Variants in PNN observed in about 807,000 individuals in gnomAD.
PNN encodes the protein pinin.
Under a neutral mutation model 76.6 loss-of-function variants are expected in PNN, and 38 were observed. The ratio of observed to expected loss-of-function variants is 0.50; its 90% CI spans 0.38 to 0.65. PNN has a LOEUF of 0.65. Ranked by LOEUF, PNN falls within the 30% of genes least tolerant of loss-of-function variation. PNN has a pLI of 0.00. For missense variants in PNN, 873 were observed against 874.1 expected (o/e 1.00, Z 0.02); for synonymous variants, 366 against 283.7 (o/e 1.29, Z -2.91).
At position 39,179,438 on chromosome 14, in the gene PNN, G is replaced by T; in HGVS notation, c.769G>T (p.Glu257Ter). The part of the protein sequence containing the change: ...RMCPATQKLI[E>*]ESQRKMNALF... The stretch of plus-strand genomic sequence containing the variant: ...GTGTCCAGCTACCCAAAAACTAATA[G>T]AAGAGTCACAGAGAAAAATGAACGG... The change falls in exon 8 of 9, where the codon GAA (glutamate) becomes TAA (stop). Residue 257 changes from glutamate to a stop codon, truncating the protein, a stop_gained. Coordinates refer to ENST00000216832, the MANE Select transcript of PNN (RefSeq NM_002687.4). LOFTEE classifies it high-confidence loss of function. The T allele has an allele frequency of 6.2e-7, 1 of 1,612,584 alleles. No individual in the cohort carries two copies. Among genetic ancestry groups the T allele is most frequent in the Non-Finnish European group, 8.5e-7 (1 of 1,179,360 alleles).
chr14:39,175,764 A>C lies in PNN; in HGVS notation c.114-314A>C, dbSNP rs2053218333. On this transcript the variant is annotated intron_variant, in intron 1 of 8. Coordinates refer to ENST00000216832, the MANE Select transcript of PNN (RefSeq NM_002687.4). ...TGGCCCCGAGACCCTGCCGGGACGC[A>C]ACAAGCCGCCTTACCCCAGCTTCCT... The C allele has an allele frequency of 2.1e-5, 10 of 469,966 alleles. 1 individual carries two copies. Among genetic ancestry groups the C allele is most frequent in the South Asian group, 9.5e-5 (4 of 41,894 alleles). The allele number at this position is 469,966 out of a possible 1,614,324, so 29.1% of individuals were successfully genotyped here. A position where few individuals can be genotyped will look rare whatever the true frequency, so the allele number is the denominator to read the frequency against.
intron 3 of PNN, among the ~76,000 whole-genome samples, chr14:39,177,145 G>GA (rs1327879156): frequency 6.6e-6 from 1 of 152,210 alleles, no homozygotes; most frequent in African/African-American, 2.4e-5. Flanking sequence ...AGCACTTTGG[G>GA]AAGCCAAGAC....
chr14:39,177,361 G>C (rs1001750042), intron 3 of PNN, 51 bp from the exon 4 acceptor site: 4 of 1,473,694 alleles, frequency 2.7e-6, no homozygotes, highest in Non-Finnish European at 2.8e-6. Context: ...ACTTCAGCCT[G>C]GGTGGTATAG....
chr14:39,175,860 C>G, intron 1 of PNN: 1 of 538,228 alleles, frequency 1.9e-6, no homozygotes, highest in Non-Finnish European at 3.3e-6. Flanking sequence ...GTGGGGGCAT[C>G]GAGGTGAATA....
Position 39,176,079 on chromosome 14 carries a change from C to A in PNN, c.115C>A (p.Pro39Thr). 1 of 1,589,210 alleles carries A rather than the reference C, an allele frequency of 6.3e-7. No homozygotes were observed. Reference sequence around the variant, plus strand: ...CACTGATTTGTAAATCTTTTACAGGCCCATCCAAGCCAGATTGCTGGCCCT... The same window carrying A: ...CACTGATTTGTAAATCTTTTACAGGACCATCCAAGCCAGATTGCTGGCCCT... The part of the protein sequence containing the change: ...LTGRDPNDVR[P>T]IQARLLALSG... Residue 39 changes from proline (P) to threonine (T), a missense_variant and splice_region_variant, in exon 2 of 9, where the codon CCC (proline) becomes ACC (threonine). This residue lies in a region of PNN where 156 missense variants were observed against 161.7 expected (regional missense o/e 0.96). Transcript: ENST00000216832.
chr14:39,176,680 T>C, intron 3 of PNN, 85 bp downstream of exon 3: 3 of 847,980 alleles, frequency 3.5e-6, no homozygotes, highest in Non-Finnish European at 5.6e-6. Context: ...ATAATTCTGT[T>C]TCAGCAATAT....
chr14:39,178,950 T>C lies in PNN; in HGVS notation c.499-141T>C, dbSNP rs181311217. On this transcript the variant is annotated intron_variant, in intron 6 of 8. Transcript: ENST00000216832. ...GAGATGGTGGTGTTGGCTTCTGACTTCAGATGATCTACCTGCCTCTAATGT... is the reference window on the plus strand; with the variant it reads ...GAGATGGTGGTGTTGGCTTCTGACTCCAGATGATCTACCTGCCTCTAATGT... 1.9e-5 allele frequency: 14 copies of C among 743,514 alleles called. No individual in the cohort carries two copies. In the Admixed American group the frequency reaches 4.2e-4, roughly 22 times the overall value. 46.1% of individuals were successfully genotyped at this position (743,514 alleles called of 1,614,324 possible).
intron 6 of PNN, among the ~76,000 whole-genome samples, chr14:39,178,435 G>A (rs1369279243): frequency 1.3e-5 from 2 of 152,112 alleles, no homozygotes; most frequent in Admixed American, 1.3e-4. Flanking sequence ...GGGAGGCGGA[G>A]GCAAGAGAAT....
Position 39,179,139 on chromosome 14 carries a change from GAA to G in PNN, c.548_549del (p.Glu183GlyfsTer6). ...IEQKLEVQAE[E>X]ERKQVENERR... ...ACAAAAACTTGAAGTTCAGGCAGAA[GAA>G]GAGAGAAAGCAGGTTGAAAATGAAA... On this transcript the variant is annotated frameshift_variant, in exon 7 of 9. Coordinates refer to ENST00000216832, the MANE Select transcript of PNN (RefSeq NM_002687.4). LOFTEE classifies it high-confidence loss of function. 1 of 1,614,060 alleles carries G rather than the reference GAA, an allele frequency of 6.2e-7. No homozygotes were observed. The highest frequency in any genetic ancestry group is 8.5e-7 in the Non-Finnish European group (1 of 1,180,016).
chr14:39,182,730 G>A lies in PNN; in HGVS notation c.*867G>A, dbSNP rs1054710229. 6.6e-5 allele frequency: 10 copies of A among 152,598 alleles called. No individual in the cohort carries two copies. The highest frequency in any genetic ancestry group is 2.4e-4 in the African/African-American group (10 of 41,438). The allele number at this position is 152,598 out of a possible 1,614,324, so 9.5% of individuals were successfully genotyped here. A position where few individuals can be genotyped will look rare whatever the true frequency, so the allele number is the denominator to read the frequency against. On this transcript the variant is annotated 3_prime_UTR_variant, in exon 9 of 9. Transcript: ENST00000216832. ...TTTGTGTTGGCTCTAACTTAAACAT[G>A]CTGATATGTGTTTTCAAGAATTTTG...
chr14:39,181,074 A>G lies in PNN; in HGVS notation c.1365A>G (p.Glu455=). The G allele has an allele frequency of 6.2e-7, 1 of 1,613,978 alleles. No individual in the cohort carries two copies. The highest frequency in any genetic ancestry group is 1.7e-5 in the Admixed American group (1 of 59,990). ...AGAATGTCAGTGCTTTAGACATGGA[A>G]AAGGAGTCTGAGGAAAAAGAAGAAA... ...GKENVSALDM[E]KESEEKEEKE... Residue 455 remains glutamate, a synonymous_variant, in exon 9 of 9, where the codon GAA becomes GAG. Coordinates refer to ENST00000216832, the MANE Select transcript of PNN (RefSeq NM_002687.4).
chr14:39,175,665 C>G (rs1340190497), intron 1 of PNN: 5 of 497,368 alleles, frequency 1.0e-5, no homozygotes, highest in Non-Finnish European at 1.8e-5. Context: ...CTGCTGATTC[C>G]CGCTCTCGGC....
chr14:39,175,851 T>TG, intron 1 of PNN: 2 of 533,602 alleles, frequency 3.7e-6, no homozygotes, highest in Non-Finnish European at 6.6e-6. Flanking sequence ...TGTTAATGTG[T>TG]GGGGGCATCG....
Position 39,181,388 on chromosome 14 carries a change from G to A in PNN, c.1679G>A (p.Ser560Asn). 6.2e-7 allele frequency: 1 copy of A among 1,614,222 alleles called. No homozygotes were observed. Among genetic ancestry groups the A allele is most frequent in the Non-Finnish European group, 8.5e-7 (1 of 1,180,032 alleles). ...PESKSKTKTRSRSRGRARNKT... is the reference protein window; with the variant it reads ...PESKSKTKTRNRSRGRARNKT... Reference sequence around the variant, plus strand: ...AGCAAGAGCAAAACCAAAACTAGGAGCAGAAGTAGAGGTCGAGCTAGAAAT... The same window carrying A: ...AGCAAGAGCAAAACCAAAACTAGGAACAGAAGTAGAGGTCGAGCTAGAAAT... The change falls in exon 9 of 9, where the codon AGC becomes AAC. Residue 560 changes from serine to asparagine, a missense_variant. Physicochemically the swap from Ser to Asn is conservative, Grantham distance 46. Transcript: ENST00000216832.
At chr14:39,179,901 C>CAA (rs548024138) in intron 8 of PNN, among the ~76,000 whole-genome samples, 3 of 113,068 alleles carry the variant, frequency 2.7e-5, no homozygotes, top group African/African-American at 6.4e-5. Flanking sequence ...GACTCCATCT[C>CAA]AAAAAAAAAA....
At chr14:39,178,271 G>A (rs1313602010) in intron 6 of PNN, among the ~76,000 whole-genome samples, 1 of 152,214 alleles carries the variant, frequency 6.6e-6, no homozygotes, top group African/African-American at 2.4e-5. Context: ...GCTCATGCCT[G>A]TAATCCCAGC....
In PNN at chr14:39,176,004, C is replaced by A. The variant is rs569105828; in HGVS notation, c.114-74C>A. ...TGTGATTTTTTCTCCTTATGATCCA[C>A]ATCTCTGAAAGTATTTGGGTGCGAC... On this transcript the variant is annotated intron_variant, in intron 1 of 8. Transcript: ENST00000216832. The A allele has an allele frequency of 6.4e-6, 5 of 778,624 alleles. No individual in the cohort carries two copies. The East Asian group carries it at 1.2e-4, about 19-fold the overall frequency. The allele number at this position is 778,624 out of a possible 1,614,324, so 48.2% of individuals were successfully genotyped here.
chr14:39,175,690 A>G (rs1594553220), intron 1 of PNN: 1 of 476,662 alleles, frequency 2.1e-6, no homozygotes, highest in Non-Finnish European at 3.7e-6. Flanking sequence ...CAGGCCCGGA[A>G]CTGCAGCACA....
In PNN at chr14:39,179,452, A is replaced by T; in HGVS notation, c.783A>T (p.Arg261Ser). Residue 261 changes from arginine (R) to serine (S), a missense_variant, in exon 8 of 9, where the codon AGA becomes AGT. By Grantham distance (110) the Arg-to-Ser change is moderately radical. This residue lies in a region of PNN where 712 missense variants were observed against 693.1 expected (regional missense o/e 1.03). Transcript: ENST00000216832. ...AAAAACTAATAGAAGAGTCACAGAG[A>T]AAAATGAACGGTAAGTATGCGAAGA... Reference protein sequence around the residue: ...ATQKLIEESQRKMNALFEGRR... With the variant: ...ATQKLIEESQSKMNALFEGRR... 6.2e-7 allele frequency: 1 copy of T among 1,611,646 alleles called. No homozygotes were observed. Among genetic ancestry groups the T allele is most frequent in the Non-Finnish European group, 8.5e-7 (1 of 1,178,992 alleles).
Sources: allele counts gnomAD v4.1 joint callset (sites outside exome capture counted in the v4.1 genomes callset), GRCh38; gene constraint gnomAD v4.1.1; regional missense constraint gnomAD v4.1.1; transcripts MANE v1.5; gene names NCBI Gene and HGNC (gene_info 2026-07-23, HGNC 2026-07-21).